Variants in GLIS3 observed in about 807,000 individuals in gnomAD.
GLIS3 encodes the protein GLIS family zinc finger 3, also known as zinc finger protein GLIS3.
A neutral mutation model predicts 78.6 loss-of-function variants in GLIS3; 53 were observed. That is an observed-to-expected ratio of 0.67 (90% confidence interval 0.54 to 0.85). GLIS3 has a LOEUF of 0.85. GLIS3 is among the 40% of genes least tolerant of loss of function. The pLI, the probability that GLIS3 is intolerant of heterozygous loss-of-function variation, is 0.00. For synonymous variants in GLIS3, 684 were observed against 509.9 expected, an observed-to-expected ratio of 1.34 and a Z score of -4.60; for missense variants, 1,703 against 1,231.1, an observed-to-expected ratio of 1.38 and a Z score of -5.74.
intron 2 of GLIS3, among the ~76,000 whole-genome samples, chr9:4,322,361 G>T (rs768245883): frequency 2.0e-4 from 30 of 152,070 alleles, no homozygotes; most frequent in Non-Finnish European, 3.1e-4. Context: ...GTCTTTATAG[G>T]AACATGATTT....
At chr9:4,083,796 C>G (rs376875627) in intron 4 of GLIS3, among the ~76,000 whole-genome samples, 1 of 152,276 alleles carries the variant, frequency 6.6e-6, no homozygotes, top group East Asian at 1.9e-4. Context: ...ACCTTGAAAT[C>G]TATGCAAGAT....
chr9:4,466,684 AG>A, the GLIS3 span, among the ~76,000 whole-genome samples: 306 of 152,370 alleles, frequency 2.0e-3, 1 homozygote, highest in African/African-American at 7.1e-3. Flanking sequence ...ATGGCTGAAT[AG>A]GAACAGCTCC....
Position 3,851,337 on chromosome 9 carries a change from T to A in GLIS3, c.2473+4672A>T, listed in dbSNP as rs138085213. Among the ~76,000 whole-genome samples the A allele has an allele frequency of 9.1e-4, 139 of 152,272 alleles. No homozygotes were observed. The East Asian group carries it at 0.022, about 24-fold the overall frequency. ...ACATGATTGCAGAGTGTCCCTATGTTTACATCTAAAATAAAGGACTAAAGT... is the reference window on the plus strand; with the variant it reads ...ACATGATTGCAGAGTGTCCCTATGTATACATCTAAAATAAAGGACTAAAGT... On this transcript the variant is annotated intron_variant, in intron 9 of 10. Coordinates refer to ENST00000381971, the MANE Select transcript of GLIS3 (RefSeq NM_001042413.2).
At chr9:4,446,965 G>T in the GLIS3 span, among the ~76,000 whole-genome samples, 1 of 151,934 alleles carries the variant, frequency 6.6e-6, no homozygotes, top group African/African-American at 2.4e-5. Flanking sequence ...TTGCAAACGT[G>T]CCCCGTGATT....
At chr9:4,084,277 A>C (rs1038516017) in intron 4 of GLIS3, among the ~76,000 whole-genome samples, 9 of 137,540 alleles carry the variant, frequency 6.5e-5, no homozygotes, top group Non-Finnish European at 1.5e-4. Context: ...ACACACACAC[A>C]CACACACACA....
chr9:4,305,313 C>T (rs752308045), intron 4 of GLIS3: 1 of 152,252 alleles, frequency 6.6e-6, no homozygotes, highest in African/African-American at 2.4e-5. Context: ...GGAATCCCAA[C>T]TTCACCGCTA....
In GLIS3 at chr9:3,972,955, G is replaced by A. The variant is rs74975245; in HGVS notation, c.1711-35766C>T. The stretch of plus-strand genomic sequence containing the variant: ...GTTAAGCAAACTGCAAAGTTTGAGG[G>A]CAAATTCCTCCACATTTCTGACACC... On this transcript the variant is annotated intron_variant, in intron 4 of 10. Transcript: ENST00000381971. Among the ~76,000 whole-genome samples, 1,408 of 152,180 alleles carry A rather than the reference G, an allele frequency of 9.3e-3. 26 individuals carry two copies. Among genetic ancestry groups the A allele is most frequent in the African/African-American group, 0.032 (1,349 of 41,518 alleles).
chr9:4,149,890 G>T (rs1383416110), intron 2 of GLIS3, among the ~76,000 whole-genome samples: 31 of 152,250 alleles, frequency 2.0e-4, no homozygotes, highest in Admixed American at 2.0e-3. Context: ...TTAGAAACAA[G>T]ATATGAAGTA....
At chr9:4,162,220 T>C (rs1463937923) in intron 2 of GLIS3, among the ~76,000 whole-genome samples, 1 of 152,222 alleles carries the variant, frequency 6.6e-6, no homozygotes, top group Admixed American at 6.5e-5. Flanking sequence ...ATTTCCTTCT[T>C]TTTTTAAGAA....
chr9:4,333,818 G>C (rs1346909443), intron 2 of GLIS3, among the ~76,000 whole-genome samples: 1 of 136,344 alleles, frequency 7.3e-6, no homozygotes, highest in Admixed American at 8.9e-5. Flanking sequence ...ATCCTCCCAA[G>C]AGAAATTATA....
At chr9:4,244,025 C>T (rs923132428) in intron 2 of GLIS3, among the ~76,000 whole-genome samples, 2 of 152,226 alleles carry the variant, frequency 1.3e-5, no homozygotes, top group Admixed American at 1.3e-4. Flanking sequence ...CGCCTCAACC[C>T]CCATGCACAT....
At chr9:3,930,820 C>A (rs1825563592) in intron 6 of GLIS3, among the ~76,000 whole-genome samples, 1 of 151,044 alleles carries the variant, frequency 6.6e-6, no homozygotes, top group East Asian at 1.9e-4. Flanking sequence ...GGAAGAAAAC[C>A]CCCTCATCTA....
intron 9 of GLIS3, among the ~76,000 whole-genome samples, chr9:3,847,905 T>A (rs2130142937): frequency 6.6e-6 from 1 of 152,356 alleles, no homozygotes; most frequent in East Asian, 1.9e-4. Flanking sequence ...AATAACATCA[T>A]GGCTGATATG....
At chr9:4,078,524 A>G (rs1465700405) in intron 4 of GLIS3, among the ~76,000 whole-genome samples, 2 of 152,194 alleles carry the variant, frequency 1.3e-5, no homozygotes, top group Non-Finnish European at 2.9e-5. Flanking sequence ...CAAGCAAAAC[A>G]CAGGAACCAC....
chr9:4,367,633 CAAAAAAAA>C, the GLIS3 span, among the ~76,000 whole-genome samples: 16 of 62,000 alleles, frequency 2.6e-4, no homozygotes, highest in South Asian at 3.5e-3. Context: ...GACTCCATCT[CAAAAAAAA>C]AAAAAAAAAA....
intron 2 of GLIS3, among the ~76,000 whole-genome samples, chr9:4,216,156 A>T (rs1820808584): frequency 6.6e-6 from 1 of 152,066 alleles, no homozygotes; most frequent in African/African-American, 2.4e-5. Flanking sequence ...CCTTAGTTCT[A>T]AATTAATTTC....
chr9:4,410,410 C>T, the GLIS3 span, among the ~76,000 whole-genome samples: 3 of 151,506 alleles, frequency 2.0e-5, no homozygotes, highest in African/African-American at 7.3e-5. Context: ...CAGTTGTAGG[C>T]CAAAAAGGAA....
At chr9:3,913,981 T>G (rs1455201543) in intron 6 of GLIS3, among the ~76,000 whole-genome samples, 1 of 152,124 alleles carries the variant, frequency 6.6e-6, no homozygotes, top group Non-Finnish European at 1.5e-5. Context: ...ACCTTTGGGG[T>G]AGGCCCCAAA....
At chr9:3,930,892 A>G (rs1479959608) in intron 6 of GLIS3, among the ~76,000 whole-genome samples, 2 of 152,204 alleles carry the variant, frequency 1.3e-5, no homozygotes, top group African/African-American at 4.8e-5. Context: ...TATAGATGAT[A>G]ACAAAAATAA....
Sources: allele counts gnomAD v4.1 joint callset (sites outside exome capture counted in the v4.1 genomes callset), GRCh38; gene constraint gnomAD v4.1.1; transcripts MANE v1.5; gene names NCBI Gene and HGNC (gene_info 2026-07-23, HGNC 2026-07-21).